AGMO: variants seen among roughly 807,000 people sequenced by gnomAD.
AGMO encodes alkylglycerol monooxygenase.
Under a neutral mutation model 60.2 loss-of-function variants are expected in AGMO, and 75 were observed. That is an observed-to-expected ratio of 1.25 (90% CI 1.03 to 1.51). The LOEUF is 1.51. Ranked by LOEUF, AGMO falls within the 40% of genes most tolerant of loss-of-function variation. The probability of loss-of-function intolerance (pLI) is 0.00; values close to 1 mark genes in which losing one functional copy is unlikely to be tolerated. For missense variants in AGMO, 763 were observed against 525.5 expected (o/e 1.45, Z -4.42); for synonymous variants, 261 against 177.1 (o/e 1.47, Z -3.76).
chr7:15,277,962 G>A (rs1248767507), intron 12 of AGMO, among the ~76,000 whole-genome samples: 2 of 152,164 alleles, frequency 1.3e-5, no homozygotes, highest in Non-Finnish European at 2.9e-5. Flanking sequence ...AGGTCTCTGT[G>A]GAGGTGAGGG....
At chr7:15,156,723 T>C in the AGMO span, among the ~76,000 whole-genome samples, 1 of 152,174 alleles carries the variant, frequency 6.6e-6, no homozygotes, top group Non-Finnish European at 1.5e-5. Context: ...ACCTTTCAGC[T>C]TGGGGTCTGT....
chr7:15,441,851 GT>G (rs1781567194), intron 3 of AGMO, among the ~76,000 whole-genome samples: 1 of 152,144 alleles, frequency 6.6e-6, no homozygotes, highest in African/African-American at 2.4e-5. Context: ...AAATCACTAG[GT>G]AGAAAGTAAC....
intron 3 of AGMO, among the ~76,000 whole-genome samples, chr7:15,524,276 A>G (rs938193714): frequency 6.6e-6 from 1 of 152,090 alleles, no homozygotes; most frequent in Non-Finnish European, 1.5e-5. Flanking sequence ...ACTAGGAGGA[A>G]CAGGAAGAAT....
intron 3 of AGMO, among the ~76,000 whole-genome samples, chr7:15,469,537 G>C (rs1047200083): frequency 1.3e-5 from 2 of 152,166 alleles, no homozygotes; most frequent in Admixed American, 1.3e-4. Flanking sequence ...TGGCTGGTCA[G>C]CTGTGTTCCT....
chr7:15,248,138 A>G (rs947817665), intron 12 of AGMO, among the ~76,000 whole-genome samples: 2 of 135,882 alleles, frequency 1.5e-5, no homozygotes, highest in Admixed American at 1.6e-4. Flanking sequence ...ACGAGTTTAA[A>G]CATGTCATAA....
At chr7:15,278,427 T>G (rs1036318249) in intron 12 of AGMO, among the ~76,000 whole-genome samples, 2 of 152,066 alleles carry the variant, frequency 1.3e-5, no homozygotes, top group African/African-American at 4.8e-5. Context: ...GTATGAGTCC[T>G]CAAGGGACTG....
At chr7:15,329,591 A>G (rs978836745) in intron 12 of AGMO, among the ~76,000 whole-genome samples, 6 of 152,230 alleles carry the variant, frequency 3.9e-5, no homozygotes, top group African/African-American at 1.4e-4. Flanking sequence ...AGGAACAAGC[A>G]GGTGCCATTT....
chr7:15,199,309 A>G (rs1781213170), downstream of AGMO, among the ~76,000 whole-genome samples: 1 of 152,200 alleles, frequency 6.6e-6, no homozygotes, highest in Non-Finnish European at 1.5e-5. Flanking sequence ...AGGTAAACCC[A>G]AGAGAGAAGA....
At chr7:15,187,924 G>C in the AGMO span, among the ~76,000 whole-genome samples, 1 of 151,842 alleles carries the variant, frequency 6.6e-6, no homozygotes, top group Non-Finnish European at 1.5e-5. Context: ...CATGCATCTG[G>C]CTCCAACCTC....
intron 12 of AGMO, among the ~76,000 whole-genome samples, chr7:15,242,166 G>C (rs972601536): frequency 6.6e-6 from 1 of 151,982 alleles, no homozygotes; most frequent in Non-Finnish European, 1.5e-5. Context: ...TTTCATCTTT[G>C]TCATACATAA....
chr7:15,433,213 A>T (rs866522143), intron 3 of AGMO, among the ~76,000 whole-genome samples: 9 of 152,128 alleles, frequency 5.9e-5, no homozygotes, highest in Admixed American at 1.3e-4. Context: ...CATAATATAT[A>T]TTGGGAGCCA....
chr7:15,237,840 A>C (rs1168458886), intron 12 of AGMO, among the ~76,000 whole-genome samples: 1 of 152,022 alleles, frequency 6.6e-6, no homozygotes, highest in Non-Finnish European at 1.5e-5. Context: ...CAGAATTGTA[A>C]ATTATTTCTC....
chr7:15,175,963 A>T, the AGMO span, among the ~76,000 whole-genome samples: 1 of 152,066 alleles, frequency 6.6e-6, no homozygotes, highest in African/African-American at 2.4e-5. Context: ...CAGATTTATT[A>T]CTGATACATG....
At chr7:15,242,420 T>C (rs749373382) in intron 12 of AGMO, among the ~76,000 whole-genome samples, 2 of 152,166 alleles carry the variant, frequency 1.3e-5, no homozygotes, top group Non-Finnish European at 2.9e-5. Context: ...GGGCTTATTT[T>C]TTAACCACAG....
chr7:15,289,912 C>CACATCCAAG (rs1461776265), intron 12 of AGMO, among the ~76,000 whole-genome samples: 1 of 136,146 alleles, frequency 7.3e-6, no homozygotes, highest in Non-Finnish European at 1.6e-5. Context: ...GTTGTAGCAT[C>CACATCCAAG]ACATCCAAGA....
At chr7:15,394,279 T>A (rs1784278132) in intron 5 of AGMO, 100 bp from the exon 6 acceptor site, 2 of 941,590 alleles carry the variant, frequency 2.1e-6, no homozygotes, top group East Asian at 4.9e-5. Context: ...TAAGAGATAT[T>A]GCGAATTTCA....
At chr7:15,398,444 C>T (rs1247541254) in intron 5 of AGMO, among the ~76,000 whole-genome samples, 1 of 152,130 alleles carries the variant, frequency 6.6e-6, no homozygotes, top group Non-Finnish European at 1.5e-5. Flanking sequence ...TACCTTGGAG[C>T]TGGGGAAGAC....
intron 12 of AGMO, among the ~76,000 whole-genome samples, chr7:15,270,000 C>A (rs1167353190): frequency 6.6e-6 from 1 of 151,992 alleles, no homozygotes; most frequent in African/African-American, 2.4e-5. Flanking sequence ...ATTGTTTAAT[C>A]CAGTCAACCA....
chr7:15,359,319 T>C (rs1782662793), intron 12 of AGMO, among the ~76,000 whole-genome samples: 1 of 151,762 alleles, frequency 6.6e-6, no homozygotes, highest in Non-Finnish European at 1.5e-5. Flanking sequence ...AAATTAGATT[T>C]ATTATTTTTA....
Sources: gnomAD v4.1 joint callset for allele counts (sites outside exome capture counted in the v4.1 genomes callset) on GRCh38, gnomAD v4.1.1 for gene constraint, MANE v1.5 for transcripts, NCBI Gene and HGNC (gene_info 2026-07-23, HGNC 2026-07-21) for gene names.